The following THAP4 variants were observed in gnomAD, a reference collection of about 807,000 sequenced individuals.
THAP4 encodes THAP domain containing 4.
THAP4 carries 18 observed loss-of-function variants against 48.1 expected under a neutral mutation model. The ratio of observed to expected loss-of-function variants is 0.37; its 90% CI spans 0.26 to 0.56. The LOEUF (loss-of-function observed/expected upper bound fraction) is 0.56. Among genes scored for constraint, THAP4 ranks in the 20% least tolerant of loss-of-function variants. The pLI, the probability that THAP4 is intolerant of heterozygous loss-of-function variation, is 0.78. For synonymous variants in THAP4, 345 were observed against 324.9 expected (o/e 1.06, Z -0.66); for missense variants, 656 against 774.9 (o/e 0.85, Z 1.82).
rs2067288538 is a variant in THAP4, at chr2:241,612,353, TGAA to T, written c.1241-5883_1241-5881del. On this transcript the variant is annotated intron_variant, in intron 2 of 5. Coordinates refer to ENST00000407315, the MANE Select transcript of THAP4 (RefSeq NM_015963.6). This position sits in a 1 kb window ranked among gnomAD's most constrained non-coding sequence, Gnocchi z 4.1. ...GGGGACGTGAACTGGCACAGCCTAG[TGAA>T]GACCATCTGGCATGTGCCTGAGAGG... 6.6e-6 allele frequency among the ~76,000 whole-genome samples: 1 copy of T among 152,172 alleles called. No homozygotes were observed. The highest frequency in any genetic ancestry group is 6.5e-5 in the Admixed American group (1 of 15,272).
intron 2 of THAP4, among the ~76,000 whole-genome samples, chr2:241,625,624 C>T (rs1225328725): frequency 6.6e-6 from 1 of 150,662 alleles, no homozygotes; most frequent in East Asian, 1.9e-4. Flanking sequence ...AGTGAAATCC[C>T]GTCTCTACTA....
chr2:241,591,149 C>T (rs75905864), intron 5 of THAP4, among the ~76,000 whole-genome samples: 1 of 79,856 alleles, frequency 1.3e-5, no homozygotes, highest in African/African-American at 5.4e-5. Context: ...CAGAACTGCC[C>T]GGCTGACGAT....
intron 2 of THAP4, among the ~76,000 whole-genome samples, chr2:241,626,487 A>G (rs2067497132): frequency 1.3e-5 from 2 of 152,140 alleles, no homozygotes; most frequent in Admixed American, 1.3e-4. Context: ...AAAAACCAAA[A>G]AACAACAACA....
intron 2 of THAP4, among the ~76,000 whole-genome samples, chr2:241,620,572 GGTGA>G (rs2067417361): frequency 7.1e-6 from 1 of 140,326 alleles, no homozygotes; most frequent in South Asian, 2.4e-4. Flanking sequence ...TGAGTGAGTC[GGTGA>G]GTGAGGGGTG....
chr2:241,587,173 G>C (rs1227423946), intron 5 of THAP4, among the ~76,000 whole-genome samples: 1 of 152,096 alleles, frequency 6.6e-6, no homozygotes, highest in Non-Finnish European at 1.5e-5. Flanking sequence ...GATGTTTCCA[G>C]AGGTGACTGA....
Position 241,633,828 on chromosome 2 carries a change from C to A in THAP4, c.329G>T (p.Gly110Val), listed in dbSNP as rs1173484415. 1 of 1,613,886 alleles carries A rather than the reference C, an allele frequency of 6.2e-7. No homozygotes were observed. ...GGCACTCGAGTGTCCCCTCACACCC[C>A]CTGTGGCCTTGCTGGCATCTTTTCT... ...TRRKDASKATGGVRGHSSAAT... is the reference protein window; with the variant it reads ...TRRKDASKATVGVRGHSSAAT... Residue 110 changes from glycine (G) to valine (V), a missense_variant, in exon 2 of 6, where the codon GGG (glycine) becomes GTG (valine). Gly to Val is a moderately radical substitution (Grantham distance 109). Around this residue, in one of 4 missense-constraint regions of THAP4, gnomAD observed 391 missense variants for 412.4 expected, o/e 0.95. Coordinates refer to ENST00000407315, the MANE Select transcript of THAP4 (RefSeq NM_015963.6). This position sits in a 1 kb window ranked among gnomAD's most constrained non-coding sequence, Gnocchi z 7.5.
intron 2 of THAP4, among the ~76,000 whole-genome samples, chr2:241,623,050 T>C (rs960829083): frequency 2.6e-5 from 4 of 151,620 alleles, no homozygotes; most frequent in African/African-American, 7.3e-5. Context: ...ACCCCGTCTC[T>C]ACTAAAAATA....
At chr2:241,600,757 G>C (rs2067102846) in intron 5 of THAP4, among the ~76,000 whole-genome samples, 1 of 150,014 alleles carries the variant, frequency 6.7e-6, no homozygotes, top group African/African-American at 2.5e-5. Flanking sequence ...AAGAAAATGA[G>C]AGAATATTTT....
rs2067356961 is a variant in THAP4 at position 241,616,993 on chromosome 2, C to T, written c.1241-10520G>A. On this transcript the variant is annotated intron_variant, in intron 2 of 5. Coordinates refer to ENST00000407315, the MANE Select transcript of THAP4 (RefSeq NM_015963.6). This position sits in a 1 kb window ranked among gnomAD's most constrained non-coding sequence, Gnocchi z 4.6. ...CTGCACCCTCCACCACTTCGGGCCG[C>T]GTGGAACGTGGCAGCAGCCTAGCCA... 6.6e-6 allele frequency among the ~76,000 whole-genome samples: 1 copy of T among 152,180 alleles called. No homozygotes were observed. The highest frequency in any genetic ancestry group is 2.4e-5 in the African/African-American group (1 of 41,438).
chr2:241,588,143 T>C (rs2066915448), intron 5 of THAP4, among the ~76,000 whole-genome samples: 4 of 152,048 alleles, frequency 2.6e-5, no homozygotes, highest in Admixed American at 1.3e-4. Flanking sequence ...CAACAGCTAA[T>C]TGTACTTCTA....
chr2:241,593,528 G>A (rs1559218176), intron 5 of THAP4, among the ~76,000 whole-genome samples: 1 of 152,166 alleles, frequency 6.6e-6, no homozygotes, highest in Non-Finnish European at 1.5e-5. Flanking sequence ...GACCCAGGAA[G>A]GCCGAGGCTG....
At position 241,636,970 on chromosome 2, in the gene THAP4, CT is replaced by C; in HGVS notation, c.47del (p.Lys16ArgfsTer14). 7.6e-7 allele frequency: 1 copy of C among 1,321,914 alleles called. No individual in the cohort carries two copies. Among genetic ancestry groups the C allele is most frequent in the Admixed American group, 2.2e-5 (1 of 45,288 alleles). The allele number at this position is 1,321,914 out of a possible 1,614,324, so 81.9% of individuals were successfully genotyped here. A position where few individuals can be genotyped will look rare whatever the true frequency, so the allele number is the denominator to read the frequency against. ...GGAAGGAGACGGCGCGCTTCTCGCC[CT>C]TTCCCTGCCGGTTGGAGCAGTTCAC... Reference protein sequence around the residue: ...AAVNCSNRQGKGEKRAVSFHR... With the variant: ...AAVNCSNRQGXGEKRAVSFHR... On this transcript the variant is annotated frameshift_variant, in exon 1 of 6. Transcript: ENST00000407315. LOFTEE classifies it high-confidence loss of function.
intron 5 of THAP4, among the ~76,000 whole-genome samples, chr2:241,593,500 C>G (rs150402612): frequency 1.3e-5 from 2 of 152,268 alleles, no homozygotes; most frequent in East Asian, 3.9e-4. Context: ...GAGACGCACA[C>G]GGGGACCCGA....
chr2:241,597,124 C>T (rs1031845460), intron 5 of THAP4, among the ~76,000 whole-genome samples: 1 of 152,182 alleles, frequency 6.6e-6, no homozygotes, highest in African/African-American at 2.4e-5. Flanking sequence ...CAGTCCGTCA[C>T]TGAAGGAAAC....
In THAP4 at chr2:241,608,294, C is replaced by G. The variant is rs1281797462; in HGVS notation, c.1241-1821G>C. On this transcript the variant is annotated intron_variant, in intron 2 of 5. Transcript: ENST00000407315. ...ATGAGCACTCTGCCTGCTGGCTGCA[C>G]AGGGCAAACATAGGTGACCTGAAGC... is the stretch of plus-strand genomic sequence containing the variant. Among the ~76,000 whole-genome samples, 6 of 152,186 alleles carry G rather than the reference C, an allele frequency of 3.9e-5. No homozygotes were observed. In the East Asian group the frequency reaches 1.2e-3, roughly 29 times the overall value.
intron 2 of THAP4, among the ~76,000 whole-genome samples, chr2:241,621,709 T>C (rs978034390): frequency 2.0e-5 from 3 of 152,104 alleles, no homozygotes; most frequent in African/African-American, 2.4e-5. Context: ...GGAGCAGAAG[T>C]ATTTGAATTA....
At chr2:241,623,839 AC>A (rs1638613934) in intron 2 of THAP4, among the ~76,000 whole-genome samples, 2 of 152,240 alleles carry the variant, frequency 1.3e-5, no homozygotes, top group African/African-American at 2.4e-5. Context: ...ATGGAAAAAA[AC>A]AATCTCTTTC....
In THAP4 at chr2:241,601,522, A is replaced by C. The variant is rs1286367308; in HGVS notation, c.1614+374T>G. ...TGCAAGAGATAGTGGGAGGATAATC[A>C]TGAAGAAATACAATCTAACAGTGTG... On this transcript the variant is annotated intron_variant, in intron 5 of 5. Coordinates refer to ENST00000407315, the MANE Select transcript of THAP4 (RefSeq NM_015963.6). This position sits in a 1 kb window ranked among gnomAD's most constrained non-coding sequence, Gnocchi z 4.0. Among the ~76,000 whole-genome samples, 1 of 152,226 alleles carries C rather than the reference A, an allele frequency of 6.6e-6. No homozygotes were observed. Among genetic ancestry groups the C allele is most frequent in the East Asian group, 1.9e-4 (1 of 5,200 alleles).
chr2:241,608,878 G>A (rs1401517029), intron 2 of THAP4, among the ~76,000 whole-genome samples: 1 of 152,166 alleles, frequency 6.6e-6, no homozygotes, highest in African/African-American at 2.4e-5. Context: ...AGGGGATCAG[G>A]GTCCCTGCAG....
Sources: allele counts gnomAD v4.1 joint callset (sites outside exome capture counted in the v4.1 genomes callset), GRCh38; gene constraint gnomAD v4.1.1; regional missense constraint gnomAD v4.1.1; non-coding constraint Gnocchi (gnomAD v3.1); transcripts MANE v1.5; gene names NCBI Gene and HGNC (gene_info 2026-07-23, HGNC 2026-07-21).